CELSR1: variants seen among roughly 807,000 people sequenced by gnomAD.
CELSR1 encodes the protein adhesion G protein-coupled receptor C1.
A neutral mutation model predicts 249.1 loss-of-function variants in CELSR1; 110 were observed. The observed-to-expected ratio is 0.44, with a 90% CI of 0.38 to 0.52. The LOEUF is 0.52. CELSR1 is among the 20% of genes least tolerant of loss of function. The probability of loss-of-function intolerance (pLI) is 0.00; values close to 1 mark genes in which losing one functional copy is unlikely to be tolerated. For synonymous variants in CELSR1, 2,113 were observed against 1,900.0 expected (o/e 1.11, Z -2.92); for missense variants, 4,109 against 4,296.4 (o/e 0.96, Z 1.22).
intron 1 of CELSR1, among the ~76,000 whole-genome samples, chr22:46,519,215 G>C (rs2147788050): frequency 6.6e-6 from 1 of 152,278 alleles, no homozygotes; most frequent in Admixed American, 6.5e-5. Context: ...GACAGGGTGG[G>C]GGTGTTGCAC....
intron 24 of CELSR1, among the ~76,000 whole-genome samples, chr22:46,376,405 C>T (rs1602041679): frequency 6.6e-6 from 1 of 152,166 alleles, no homozygotes; most frequent in African/African-American, 2.4e-5. Context: ...GAGACAGTCT[C>T]GCTCTATTGC....
chr22:46,373,108 T>C (rs6008779), intron 24 of CELSR1, 51 bp from the exon 25 acceptor site: 253,876 of 1,511,240 alleles, frequency 0.17, 32,034 homozygotes, highest in African/African-American at 0.66. Flanking sequence ...CAGGCTGAGG[T>C]CAGACAGGCA....
intron 1 of CELSR1, among the ~76,000 whole-genome samples, chr22:46,479,701 C>G (rs1185926933): frequency 6.6e-6 from 1 of 152,032 alleles, no homozygotes; most frequent in African/African-American, 2.4e-5. Flanking sequence ...AGCCGGGAAG[C>G]AGCAAATGGA....
chr22:46,400,203 G>C (rs1445479172), intron 9 of CELSR1, among the ~76,000 whole-genome samples: 2 of 151,548 alleles, frequency 1.3e-5, no homozygotes, highest in African/African-American at 4.9e-5. Flanking sequence ...GGTGGTAGGT[G>C]CCTGTAATCC....
In CELSR1 at chr22:46,429,014, C is replaced by A. The variant is rs2079565466; in HGVS notation, c.4611+4379G>T. ...CTTGCTGGCACGTCTGTGTCCCCGACCCTGCCAGGAGCTCCTGGAACAAGG... is the reference window on the plus strand; with the variant it reads ...CTTGCTGGCACGTCTGTGTCCCCGAACCTGCCAGGAGCTCCTGGAACAAGG... On this transcript the variant is annotated intron_variant, in intron 5 of 34. Transcript: ENST00000674500. The surrounding 1 kb of genome is among the most constrained non-coding windows in gnomAD (Gnocchi z 4.1). Among the ~76,000 whole-genome samples, 1 of 152,122 alleles carries A rather than the reference C, an allele frequency of 6.6e-6. No homozygotes were observed. The highest frequency in any genetic ancestry group is 2.4e-5 in the African/African-American group (1 of 41,432).
chr22:46,501,930 G>A (rs1435958584), intron 1 of CELSR1, among the ~76,000 whole-genome samples: 1 of 152,144 alleles, frequency 6.6e-6, no homozygotes, highest in Non-Finnish European at 1.5e-5. Flanking sequence ...AGGAGCAGAG[G>A]AAGCTCATTA....
chr22:46,369,910 C>G (rs1388849557), intron 25 of CELSR1, 106 bp from the exon 26 acceptor site: 3 of 929,186 alleles, frequency 3.2e-6, no homozygotes, highest in Non-Finnish European at 3.4e-6. Context: ...CAGCATCTCC[C>G]TTCTCAGAGG....
chr22:46,378,911 C>T (rs970342333), intron 22 of CELSR1, among the ~76,000 whole-genome samples, 194 bp from the exon 23 acceptor site: 21 of 152,154 alleles, frequency 1.4e-4, no homozygotes, highest in African/African-American at 4.3e-4. Flanking sequence ...CCCCCTACAC[C>T]GAAGACAAGA....
chr22:46,442,123 G>C (rs2079757779), intron 2 of CELSR1, among the ~76,000 whole-genome samples: 1 of 152,208 alleles, frequency 6.6e-6, no homozygotes, highest in Non-Finnish European at 1.5e-5. Context: ...ACTCCAGCCT[G>C]GGCAGCAAGA....
At chr22:46,519,444 C>T (rs1328893256) in intron 1 of CELSR1, among the ~76,000 whole-genome samples, 1 of 152,220 alleles carries the variant, frequency 6.6e-6, no homozygotes, top group African/African-American at 2.4e-5. Context: ...AGGGCCAGCA[C>T]TGGGCCACAC....
At chr22:46,388,314 A>T (rs565776943) in intron 18 of CELSR1, among the ~76,000 whole-genome samples, 2 of 152,036 alleles carry the variant, frequency 1.3e-5, no homozygotes, top group South Asian at 2.1e-4. Flanking sequence ...GCACCACTGC[A>T]CTCCAGCCTG....
rs1386422061 is a variant in CELSR1, at chr22:46,410,613, C to T, written c.4770-52G>A. ...ACGTCAGGGCGGGGAGAGGCGGCCA[C>T]GGCGGGCTGGGCTCCGCAGTTGCCT... On this transcript the variant is annotated intron_variant, in intron 6 of 34. Coordinates refer to ENST00000674500, the MANE Select transcript of CELSR1 (RefSeq NM_001378328.1). This position sits in a 1 kb window ranked among gnomAD's most constrained non-coding sequence, Gnocchi z 6.8. 20 of 1,591,278 alleles carry T rather than the reference C, an allele frequency of 1.3e-5. No individual in the cohort carries two copies. The highest frequency in any genetic ancestry group is 5.0e-5 in the Admixed American group (3 of 59,440).
chr22:46,455,554 C>T (rs1048273663), intron 2 of CELSR1, among the ~76,000 whole-genome samples: 1 of 152,170 alleles, frequency 6.6e-6, no homozygotes, highest in Non-Finnish European at 1.5e-5. Context: ...GTTTGCCTCG[C>T]CCACCCAAAG....
chr22:46,371,228 G>A (rs1021812217), intron 25 of CELSR1, among the ~76,000 whole-genome samples: 4 of 152,162 alleles, frequency 2.6e-5, no homozygotes, highest in African/African-American at 9.7e-5. Context: ...ACCCTAGCCA[G>A]GAGCCTGCCT....
Position 46,364,746 on chromosome 22 carries a change from G to A in CELSR1, c.8555-10C>T, listed in dbSNP as rs571334219. ...TTGGCCACAGCGTCCCCTGAGGCAC[G>A]AGAGCGGTGCTCAGCAGGCAGCGGC... On this transcript the variant is annotated splice_polypyrimidine_tract_variant and intron_variant, in intron 32 of 34. Coordinates refer to ENST00000674500, the MANE Select transcript of CELSR1 (RefSeq NM_001378328.1). 29 of 1,609,584 alleles carry A rather than the reference G, an allele frequency of 1.8e-5. No homozygotes were observed. Among genetic ancestry groups the A allele is most frequent in the Middle Eastern group, 1.7e-4 (1 of 6,048 alleles).
chr22:46,362,920 C>T lies in CELSR1; in HGVS notation c.*303G>A. 1 of 515,696 alleles carries T rather than the reference C, an allele frequency of 1.9e-6. No individual in the cohort carries two copies. Among genetic ancestry groups the T allele is most frequent in the Non-Finnish European group, 3.5e-6 (1 of 289,484 alleles). The allele number at this position is 515,696 out of a possible 1,614,324, so 31.9% of individuals were successfully genotyped here. A position where few individuals can be genotyped will look rare whatever the true frequency, so the allele number is the denominator to read the frequency against. On this transcript the variant is annotated 3_prime_UTR_variant, in exon 35 of 35. Transcript: ENST00000674500. The stretch of plus-strand genomic sequence containing the variant: ...GGTCCCCTCTCAGTTCTGGCTTTGA[C>T]TGCAGTCTTAGGACTCAGCGGTGCT...
intron 1 of CELSR1, among the ~76,000 whole-genome samples, chr22:46,522,658 C>T (rs1200464656): frequency 6.6e-6 from 1 of 152,246 alleles, no homozygotes; most frequent in Non-Finnish European, 1.5e-5. Context: ...TTGAGACATA[C>T]ATGGGCAAGA....
At chr22:46,504,563 A>AT (rs2080497118) in intron 1 of CELSR1, among the ~76,000 whole-genome samples, 1 of 151,956 alleles carries the variant, frequency 6.6e-6, no homozygotes, top group Non-Finnish European at 1.5e-5. Flanking sequence ...AAAAAACTGC[A>AT]TCTTCCCCAA....
At chr22:46,530,369 T>A (rs1213275588) in intron 1 of CELSR1, 1 of 149,144 alleles carries the variant, frequency 6.7e-6, no homozygotes, top group Non-Finnish European at 1.5e-5. Flanking sequence ...ATATAATTCA[T>A]TATATATAAA....
Sources: allele counts gnomAD v4.1 joint callset (sites outside exome capture counted in the v4.1 genomes callset), GRCh38; gene constraint gnomAD v4.1.1; non-coding constraint Gnocchi (gnomAD v3.1); transcripts MANE v1.5; gene names NCBI Gene and HGNC (gene_info 2026-07-23, HGNC 2026-07-21).